Variants in XIRP2 observed in about 807,000 individuals in gnomAD.
XIRP2 encodes xin actin binding repeat containing 2, also known as xin actin-binding repeat-containing protein 2.
A neutral mutation model predicts 277.0 loss-of-function variants in XIRP2; 236 were observed. The observed-to-expected ratio is 0.85, with a 90% CI of 0.77 to 0.95. The LOEUF is 0.95. Ranked by LOEUF, XIRP2 falls within the 40% of genes least tolerant of loss-of-function variation. The pLI, the probability that XIRP2 is intolerant of heterozygous loss-of-function variation, is 0.00. For synonymous variants in XIRP2, 1,490 were observed against 1,416.5 expected (o/e 1.05, Z -1.17); for missense variants, 4,640 against 4,157.5 (o/e 1.12, Z -3.19).
At chr2:167,158,779 G>T (rs1181561971) in intron 3 of XIRP2, among the ~76,000 whole-genome samples, 1 of 152,130 alleles carries the variant, frequency 6.6e-6, no homozygotes, top group Non-Finnish European at 1.5e-5. Context: ...TATTGCACTT[G>T]ATAGTTTTAT....
intron 2 of XIRP2, among the ~76,000 whole-genome samples, chr2:167,120,601 A>G (rs900141175): frequency 6.6e-6 from 1 of 152,166 alleles, no homozygotes; most frequent in Non-Finnish European, 1.5e-5. Context: ...CCAAGTTCCC[A>G]TAGCTCATGA....
chr2:167,163,865 G>A (rs73019986), intron 3 of XIRP2, among the ~76,000 whole-genome samples: 15,052 of 152,056 alleles, frequency 0.099, 799 homozygotes, highest in South Asian at 0.16. Flanking sequence ...TTTTATTTCC[G>A]TGTGGATGAC....
At chr2:167,200,941 C>T (rs770609800) in intron 3 of XIRP2, among the ~76,000 whole-genome samples, 14 of 151,890 alleles carry the variant, frequency 9.2e-5, no homozygotes, top group Non-Finnish European at 1.9e-4. Flanking sequence ...GCCTGGCCAA[C>T]ATGGTGAAAC....
intron 2 of XIRP2, among the ~76,000 whole-genome samples, chr2:166,913,316 C>CCG (rs1553469487): frequency 6.9e-5 from 9 of 131,174 alleles, no homozygotes; most frequent in Admixed American, 8.7e-5. Flanking sequence ...GGGCACCCCC[C>CCG]CCCCCCAGCC....
intron 5 of XIRP2, among the ~76,000 whole-genome samples, chr2:167,225,388 T>C (rs559142056): frequency 1.3e-5 from 2 of 152,206 alleles, no homozygotes; most frequent in South Asian, 4.1e-4. Context: ...AGTTGATGTA[T>C]GGAAGGGAAA....
intron 2 of XIRP2, among the ~76,000 whole-genome samples, chr2:167,038,077 A>G (rs1185084240): frequency 3.3e-5 from 5 of 152,058 alleles, no homozygotes; most frequent in Non-Finnish European, 7.4e-5. Flanking sequence ...AGTATTTTCA[A>G]TAGTAATGTC....
rs773109430 is a variant in XIRP2 at position 167,248,345 on chromosome 2, T to C, written c.6953T>C (p.Met2318Thr). Residue 2318 changes from methionine to threonine, a missense_variant, in exon 9 of 11, where the codon ATG (methionine) becomes ACG (threonine). Transcript: ENST00000409195. ...FPLPPPPPLM[M>T]FPEKNGFLPS... Reference sequence around the variant, plus strand: ...CTTCCTCCTCCACCTCCTTTGATGATGTTTCCTGAAAAAAATGGGTTTCTT... The same window carrying C: ...CTTCCTCCTCCACCTCCTTTGATGACGTTTCCTGAAAAAAATGGGTTTCTT... 7.4e-6 allele frequency: 12 copies of C among 1,613,720 alleles called. No homozygotes were observed. The highest frequency in any genetic ancestry group is 1.1e-5 in the South Asian group (1 of 91,074).
At position 167,132,511 on chromosome 2, in the gene XIRP2, TACACACACAC is replaced by T. The variant is rs35636231; in HGVS notation, c.409-3369_409-3360del. Among the ~76,000 whole-genome samples the T allele has an allele frequency of 1.4e-3, 210 of 146,330 alleles. 1 individual carries two copies. Among genetic ancestry groups the T allele is most frequent in the South Asian group, 4.7e-3 (21 of 4,508 alleles). ...TGATTATGTCATGTGTGCATGTGTA[TACACACACAC>T]ACACACACACACACACACACACACA... On this transcript the variant is annotated intron_variant, in intron 2 of 10. Transcript: ENST00000409195.
At chr2:167,131,485 C>G (rs1454337258) in intron 2 of XIRP2, among the ~76,000 whole-genome samples, 1 of 152,182 alleles carries the variant, frequency 6.6e-6, no homozygotes, top group Admixed American at 6.5e-5. Flanking sequence ...ACTCTCTCAC[C>G]CACTTCAAAT....
rs887775710 is a variant in XIRP2 at position 167,128,051 on chromosome 2, T to C, written c.409-7858T>C. Among the ~76,000 whole-genome samples, 7 of 152,348 alleles carry C rather than the reference T, an allele frequency of 4.6e-5. No homozygotes were observed. In the South Asian group the frequency reaches 1.4e-3, roughly 32 times the overall value. On this transcript the variant is annotated intron_variant, in intron 2 of 10. Coordinates refer to ENST00000409195, the MANE Select transcript of XIRP2 (RefSeq NM_152381.6). ...CACTTCTCTGAGGCACACATTCATT[T>C]GGGGAAGACATTCACCCTGTTTTAT...
chr2:167,034,904 G>T (rs143141678), intron 2 of XIRP2, among the ~76,000 whole-genome samples: 29 of 152,248 alleles, frequency 1.9e-4, no homozygotes, highest in Admixed American at 1.2e-3. Flanking sequence ...GGCCCCAGGT[G>T]GGGGAAATTC....
intron 1 of XIRP2, among the ~76,000 whole-genome samples, chr2:166,890,317 G>T (rs1420793518): frequency 2.0e-5 from 3 of 151,884 alleles, no homozygotes; most frequent in Non-Finnish European, 4.4e-5. Flanking sequence ...TTTAACTGTG[G>T]GTTCATAGGC....
Position 167,248,378 on chromosome 2 carries a change from T to G in XIRP2, c.6986T>G (p.Leu2329Arg). 1 of 1,613,820 alleles carries G rather than the reference T, an allele frequency of 6.2e-7. No individual in the cohort carries two copies. Among genetic ancestry groups the G allele is most frequent in the Non-Finnish European group, 8.5e-7 (1 of 1,179,842 alleles). ...GAAAAAAATGGGTTTCTTCCCTCAC[T>G]GTCCACAGAGAAGATAAAGGCTGAA... ...FPEKNGFLPS[L>R]STEKIKAEFE... The change falls in exon 9 of 11, where the codon CTG becomes CGG. Residue 2329 changes from leucine to arginine, a missense_variant. Leu to Arg is a moderately radical substitution (Grantham distance 102, BLOSUM62 -2). Transcript: ENST00000409195.
chr2:167,074,635 CGT>C (rs72225253), intron 2 of XIRP2, among the ~76,000 whole-genome samples: 43,001 of 149,332 alleles, frequency 0.29, 8,173 homozygotes, highest in African/African-American at 0.55. Flanking sequence ...TGTGTGTGTG[CGT>C]GTGTGTGTGT....
chr2:167,005,575 G>A (rs1011330464), intron 2 of XIRP2, among the ~76,000 whole-genome samples: 2 of 151,894 alleles, frequency 1.3e-5, no homozygotes, highest in Admixed American at 6.6e-5. Context: ...ATTATTCAAC[G>A]TAAAATAGAG....
Position 167,049,275 on chromosome 2 carries a change from G to A in XIRP2, c.409-86634G>A, listed in dbSNP as rs544984119. On this transcript the variant is annotated intron_variant, in intron 2 of 10. Coordinates refer to ENST00000409195, the MANE Select transcript of XIRP2 (RefSeq NM_152381.6). ...TACCATTAAGGCCAGCAAGTGGCAT[G>A]CCCTTTGATTTTTAAATTTGCTTTT... is the stretch of plus-strand genomic sequence containing the variant. Among the ~76,000 whole-genome samples, 4 of 151,434 alleles carry A rather than the reference G, an allele frequency of 2.6e-5. No homozygotes were observed. In the South Asian group the frequency reaches 8.3e-4, roughly 32 times the overall value.
intron 2 of XIRP2, among the ~76,000 whole-genome samples, chr2:167,045,353 T>A (rs2105526130): frequency 6.6e-6 from 1 of 152,016 alleles, no homozygotes; most frequent in South Asian, 2.1e-4. Flanking sequence ...GCAAACATTT[T>A]ATGACAAAGA....
chr2:167,210,657 C>A, intron 3 of XIRP2, 78 bp from the exon 4 acceptor site: 1 of 1,529,990 alleles, frequency 6.5e-7, no homozygotes, highest in Non-Finnish European at 8.9e-7. Flanking sequence ...ATTTTAAATG[C>A]TTCACCATTT....
At chr2:166,961,447 A>T (rs1020587280) in intron 2 of XIRP2, among the ~76,000 whole-genome samples, 6 of 151,814 alleles carry the variant, frequency 4.0e-5, no homozygotes, top group Non-Finnish European at 7.4e-5. Context: ...AAAGTAAAAA[A>T]AGAATAACTT....
Sources: gnomAD v4.1 joint callset for allele counts (sites outside exome capture counted in the v4.1 genomes callset) on GRCh38, gnomAD v4.1.1 for gene constraint, MANE v1.5 for transcripts, NCBI Gene and HGNC (gene_info 2026-07-23, HGNC 2026-07-21) for gene names.